The following CD1A variants were observed in gnomAD, a reference collection of about 807,000 sequenced individuals.
CD1A encodes CD1a molecule.
A neutral mutation model predicts 38.3 loss-of-function variants in CD1A; 50 were observed. The observed-to-expected ratio is 1.30, with a 90% CI of 1.04 to 1.65. CD1A has a LOEUF of 1.65. CD1A is among the 40% of genes most tolerant of loss of function. The probability of loss-of-function intolerance (pLI) is 0.00; values close to 1 mark genes in which losing one functional copy is unlikely to be tolerated. For synonymous variants in CD1A, 160 were observed against 150.8 expected (o/e 1.06, Z -0.45); for missense variants, 459 against 406.1 (o/e 1.13, Z -1.12).
At chr1:158,250,657 G>A (rs1650063889), upstream of CD1A, among the ~76,000 whole-genome samples, 2 of 152,204 alleles carry the variant, frequency 1.3e-5, no homozygotes, top group Admixed American at 1.3e-4. Flanking sequence ...TCAGACCAAT[G>A]TTGGTCCTCT....
Position 158,254,484 on chromosome 1 carries a change from G to T in CD1A, c.-186G>T. 2 of 1,429,106 alleles carry T rather than the reference G, an allele frequency of 1.4e-6. No homozygotes were observed. Among genetic ancestry groups the T allele is most frequent in the South Asian group, 1.4e-5 (1 of 68,982 alleles). The allele number at this position is 1,429,106 out of a possible 1,614,324, so 88.5% of individuals were successfully genotyped here. On this transcript the variant is annotated 5_prime_UTR_variant, in exon 1 of 6. Coordinates refer to ENST00000289429, the MANE Select transcript of CD1A (RefSeq NM_001763.3). ...CAGAGAGGAGAGTCAGAACCAGAGG[G>T]AAATGAGAGACTGAGTAGGCATCTC...
chr1:158,254,853 G>A (rs887596313), intron 1 of CD1A, 126 bp downstream of exon 1: 1 of 900,308 alleles, frequency 1.1e-6, no homozygotes, highest in Non-Finnish European at 1.8e-6. Context: ...GCATATACCT[G>A]GAAAGTGAGA....
In CD1A at chr1:158,254,870, G is replaced by C. The variant is rs1571117849; in HGVS notation, c.58+143G>C. On this transcript the variant is annotated intron_variant, in intron 1 of 5. Coordinates refer to ENST00000289429, the MANE Select transcript of CD1A (RefSeq NM_001763.3). ...ATATACCTGGAAAGTGAGAGTGCCAGGCTGGTTCCATTCTGACTATCCATG... is the reference window on the plus strand; with the variant it reads ...ATATACCTGGAAAGTGAGAGTGCCACGCTGGTTCCATTCTGACTATCCATG... The C allele has an allele frequency of 3.3e-6, 3 of 904,448 alleles. No individual in the cohort carries two copies. The East Asian group carries it at 7.3e-5, about 22-fold the overall frequency. 56.0% of individuals were successfully genotyped at this position (904,448 alleles called of 1,614,324 possible).
chr1:158,248,863 G>C, the CD1A span, among the ~76,000 whole-genome samples: 1 of 152,152 alleles, frequency 6.6e-6, no homozygotes, highest in African/African-American at 2.4e-5. Context: ...CTCAGGAGTG[G>C]AGTTGGCTGG....
Position 158,254,668 on chromosome 1 carries a change from A to C in CD1A, c.-2A>C, listed in dbSNP as rs773704616. 1.9e-6 allele frequency: 3 copies of C among 1,613,920 alleles called. No homozygotes were observed. The African/African-American group carries it at 4.0e-5, about 22-fold the overall frequency. On this transcript the variant is annotated 5_prime_UTR_variant, in exon 1 of 6. Coordinates refer to ENST00000289429, the MANE Select transcript of CD1A (RefSeq NM_001763.3). ...GAGAAGGAAATAACATCTGCAAATG[A>C]TATGCTGTTTTTGCTACTTCCATTG...
At position 158,254,620 on chromosome 1, in the gene CD1A, A is replaced by C. The variant is rs750702676; in HGVS notation, c.-50A>C. On this transcript the variant is annotated 5_prime_UTR_variant, in exon 1 of 6. Coordinates refer to ENST00000289429, the MANE Select transcript of CD1A (RefSeq NM_001763.3). ...CGTGGGGTAGGTTTGTTTGGAACAG[A>C]AATCAAAGACCAATTTTTCTGAGAG... The C allele has an allele frequency of 3.1e-6, 5 of 1,613,484 alleles. No homozygotes were observed. In the African/African-American group the frequency reaches 6.7e-5, roughly 22 times the overall value.
At chr1:158,257,656 G>T in intron 5 of CD1A, 25 bp from the exon 6 acceptor site, 1 of 1,613,080 alleles carries the variant, frequency 6.2e-7, no homozygotes, top group East Asian at 2.2e-5. Flanking sequence ...TATTCAGAGT[G>T]ACTTCTATCT....
upstream of CD1A, among the ~76,000 whole-genome samples, chr1:158,253,981 A>G (rs1193640721): frequency 2.7e-5 from 4 of 147,730 alleles, no homozygotes; most frequent in African/African-American, 1.0e-4. Context: ...ATGTATATCA[A>G]TGAAAATCAA....
chr1:158,255,852 C>G (rs200414422), intron 2 of CD1A, 152 bp from the exon 3 acceptor site: 2 of 682,588 alleles, frequency 2.9e-6, no homozygotes, highest in Admixed American at 2.9e-5. Flanking sequence ...CAGCTCCCAC[C>G]AATTCCTCTT....
intron 2 of CD1A, among the ~76,000 whole-genome samples, 153 bp downstream of exon 2, chr1:158,255,503 C>T (rs973697817): frequency 6.6e-6 from 1 of 152,128 alleles, no homozygotes; most frequent in Non-Finnish European, 1.5e-5. Context: ...TGGGCAAGGG[C>T]TATCATCCAG....
upstream of CD1A, chr1:158,254,257 A>C (rs1312367000): frequency 2.0e-5 from 22 of 1,082,132 alleles, no homozygotes; most frequent in Non-Finnish European, 2.1e-5. Context: ...AAAAGGACAG[A>C]GTGATCAAAA....
At position 158,257,051 on chromosome 1, in the gene CD1A, C is replaced by A. The variant is rs757980794; in HGVS notation, c.870C>A (p.Ile290=). ...ACAGCAGTCTAGAGGGCCAGGACAT[C>A]GTCCTCTACTGGGGTGAGAAAAAGC... is the stretch of plus-strand genomic sequence containing the variant. ...VKHSSLEGQD[I]VLYWEHHSSV... is the part of the protein sequence containing the mutation. Residue 290 remains isoleucine, a synonymous_variant, in exon 4 of 6, where the codon ATC becomes ATA. Coordinates refer to ENST00000289429, the MANE Select transcript of CD1A (RefSeq NM_001763.3). The A allele has an allele frequency of 1.2e-6, 2 of 1,610,474 alleles. No homozygotes were observed. Among genetic ancestry groups the A allele is most frequent in the East Asian group, 4.5e-5 (2 of 44,794 alleles).
rs975711060 is a variant in CD1A at position 158,257,977 on chromosome 1, T to C, written c.*287T>C. ...CAACCTCCACATGTTCAACTATTAA[T>C]GGATCATCAGGCCTGTTTTAGATAT... On this transcript the variant is annotated 3_prime_UTR_variant, in exon 6 of 6. Transcript: ENST00000289429. The C allele has an allele frequency of 4.9e-6, 2 of 408,938 alleles. No homozygotes were observed. Among genetic ancestry groups the C allele is most frequent in the Non-Finnish European group, 8.8e-6 (2 of 226,128 alleles). The allele number at this position is 408,938 out of a possible 1,614,324, so 25.3% of individuals were successfully genotyped here.
intron 1 of CD1A, 94 bp downstream of exon 1, chr1:158,254,821 G>A: frequency 2.3e-6 from 2 of 875,234 alleles, no homozygotes; most frequent in South Asian, 1.4e-5. Context: ...GTGTGTGTGT[G>A]TGTGTGTGTG....
rs41273481 is a variant in CD1A, at chr1:158,258,069, G to A, written c.*379G>A. ...CAGTCTCTTCCTGGTCTGAACTCCCGCCACATTTTAGCCGTACTTTGCTAA... is the reference window on the plus strand; with the variant it reads ...CAGTCTCTTCCTGGTCTGAACTCCCACCACATTTTAGCCGTACTTTGCTAA... On this transcript the variant is annotated 3_prime_UTR_variant, in exon 6 of 6. Transcript: ENST00000289429. The A allele has an allele frequency of 8.3e-5, 16 of 191,830 alleles. No individual in the cohort carries two copies. The highest frequency in any genetic ancestry group is 1.3e-4 in the Non-Finnish European group (12 of 92,746). The allele number at this position is 191,830 out of a possible 1,614,324, so 11.9% of individuals were successfully genotyped here. A position where few individuals can be genotyped will look rare whatever the true frequency, so the allele number is the denominator to read the frequency against.
At chr1:158,255,702 A>G (rs1650236250) in intron 2 of CD1A, among the ~76,000 whole-genome samples, 3 of 152,122 alleles carry the variant, frequency 2.0e-5, no homozygotes, top group Admixed American at 6.5e-5. Context: ...ACTCAATTGT[A>G]ACCCATTGCA....
chr1:158,251,331 T>C (rs1259846059), upstream of CD1A, among the ~76,000 whole-genome samples: 1 of 152,162 alleles, frequency 6.6e-6, no homozygotes, highest in African/African-American at 2.4e-5. Flanking sequence ...TTGAAACCCA[T>C]GTTATTCAAG....
At position 158,257,965 on chromosome 1, in the gene CD1A, TTCAACTATTAATGGA is replaced by T. The variant is rs1421863483; in HGVS notation, c.*279_*293del. ...ATGGGGTCCTAGCAACCTCCACATG[TTCAACTATTAATGGA>T]TCATCAGGCCTGTTTTAGATATCCC... On this transcript the variant is annotated 3_prime_UTR_variant, in exon 6 of 6. Coordinates refer to ENST00000289429, the MANE Select transcript of CD1A (RefSeq NM_001763.3). 3 of 449,054 alleles carry T rather than the reference TTCAACTATTAATGGA, an allele frequency of 6.7e-6. No individual in the cohort carries two copies. The highest frequency in any genetic ancestry group is 1.2e-5 in the Non-Finnish European group (3 of 249,866). 27.8% of individuals were successfully genotyped at this position (449,054 alleles called of 1,614,324 possible). A position where few individuals can be genotyped will look rare whatever the true frequency, so the allele number is the denominator to read the frequency against.
rs1650225586 is a variant in CD1A, at chr1:158,255,423, A to G, written c.325+73A>G. The G allele has an allele frequency of 9.6e-6, 14 of 1,459,190 alleles. No homozygotes were observed. In the East Asian group the frequency reaches 3.2e-4, roughly 33 times the overall value. 90.4% of individuals were successfully genotyped at this position (1,459,190 alleles called of 1,614,324 possible). On this transcript the variant is annotated intron_variant, in intron 2 of 5. Transcript: ENST00000289429. ...TTGTCTCAATGTTTCTTATTCCTTT[A>G]GGAAACAGCCTGACTCTCTTCTGTA...
Sources: allele counts gnomAD v4.1 joint callset (sites outside exome capture counted in the v4.1 genomes callset), GRCh38; gene constraint gnomAD v4.1.1; transcripts MANE v1.5; gene names NCBI Gene and HGNC (gene_info 2026-07-23, HGNC 2026-07-21).